HDAC9: variants seen among roughly 807,000 people sequenced by gnomAD.
The protein encoded by HDAC9 is MEF-2 interacting transcription repressor (MITR) protein.
In HDAC9, 41 loss-of-function variants were observed where a neutral mutation model predicts 139.4. That is an observed-to-expected ratio of 0.29 (90% confidence interval 0.23 to 0.38). The LOEUF (loss-of-function observed/expected upper bound fraction) is 0.38. Ranked by LOEUF, HDAC9 falls within the 10% of genes least tolerant of loss-of-function variation. The pLI is 1.00. For synonymous variants in HDAC9, 517 were observed against 476.2 expected, an observed-to-expected ratio of 1.09 and a Z score of -1.12; for missense variants, 1,147 against 1,297.0, an observed-to-expected ratio of 0.88 and a Z score of 1.78.
intron 1 of HDAC9, among the ~76,000 whole-genome samples, chr7:18,324,363 T>A (rs557064753): frequency 6.6e-5 from 10 of 152,286 alleles, no homozygotes; most frequent in Admixed American, 2.0e-4. Context: ...TTACTTCACC[T>A]CTTAGTGTCT....
rs1799243961 is a variant in HDAC9, at chr7:18,310,622, G to T, written c.-42+20107G>T. On this transcript the variant is annotated intron_variant, in intron 1 of 3. Coordinates refer to the HDAC9 transcript ENST00000413509. ...GTGCACAAGTTAACATTTAGAGTTG[G>T]GAATATCCCAACAATCCCTTGTCCA... is the stretch of plus-strand genomic sequence containing the variant. Among the ~76,000 whole-genome samples the T allele has an allele frequency of 3.3e-5, 5 of 152,132 alleles. 1 individual carries two copies. In the South Asian group the frequency reaches 1.0e-3, roughly 32 times the overall value.
Position 18,461,703 on chromosome 7 carries a change from G to A in HDAC9, c.-41-34559G>A, listed in dbSNP as rs921762831. ...TGTCATTGCCTACCTTTATCTCCAG[G>A]GCAGCATCTGATCAGAGATCTCCCT... On this transcript the variant is annotated intron_variant, in intron 1 of 3. Coordinates refer to the HDAC9 transcript ENST00000413509. Among the ~76,000 whole-genome samples the A allele has an allele frequency of 2.6e-5, 4 of 151,888 alleles. No individual in the cohort carries two copies. In the East Asian group the frequency reaches 7.7e-4, roughly 29 times the overall value.
chr7:18,216,847 T>C (rs1009571179), intron 2 of HDAC9, among the ~76,000 whole-genome samples: 7 of 152,266 alleles, frequency 4.6e-5, no homozygotes, highest in African/African-American at 1.2e-4. Context: ...CCATCACTTA[T>C]GATTATACAA....
rs1247747455 is a variant in HDAC9, at chr7:18,999,234, C to T, written c.*3172C>T. 1 of 152,242 alleles carries T rather than the reference C, an allele frequency of 6.6e-6. No homozygotes were observed. The highest frequency in any genetic ancestry group is 1.5e-5 in the Non-Finnish European group (1 of 68,066). The allele number at this position is 152,242 out of a possible 1,614,324, so 9.4% of individuals were successfully genotyped here. On this transcript the variant is annotated 3_prime_UTR_variant, in exon 26 of 26. Transcript: ENST00000686413. ...CTATACGACACTCTCACTAACCTTT[C>T]ACTGACAACATCATGGCCTTGAAAG... is the stretch of plus-strand genomic sequence containing the variant.
chr7:18,870,589 C>T (rs769175840), intron 21 of HDAC9, among the ~76,000 whole-genome samples: 1 of 152,006 alleles, frequency 6.6e-6, no homozygotes, highest in East Asian at 1.9e-4. Flanking sequence ...CTTTTTAGTA[C>T]CTTGGAGAAG....
At position 18,942,117 on chromosome 7, in the gene HDAC9, T is replaced by C. The variant is rs539236389; in HGVS notation, c.2937+6175T>C. Reference sequence around the variant, plus strand: ...TTTATCTGACCATTCATTAGTCTTTTATTGGGCATGTATTTTGTGCCCAAA... The same window carrying C: ...TTTATCTGACCATTCATTAGTCTTTCATTGGGCATGTATTTTGTGCCCAAA... On this transcript the variant is annotated intron_variant, in intron 23 of 25. Coordinates refer to ENST00000686413, the MANE Select transcript of HDAC9 (RefSeq NM_178425.4). 3.9e-5 allele frequency among the ~76,000 whole-genome samples: 6 copies of C among 152,216 alleles called. 1 individual carries two copies. The highest frequency in any genetic ancestry group is 9.6e-5 in the African/African-American group (4 of 41,564).
chr7:18,943,932 A>G (rs1782195921), intron 23 of HDAC9, among the ~76,000 whole-genome samples: 1 of 152,086 alleles, frequency 6.6e-6, no homozygotes, highest in Admixed American at 6.5e-5. Flanking sequence ...TAGTAACTTG[A>G]TTGTCAATAC....
chr7:18,130,202 T>A (rs569089175), intron 1 of HDAC9, among the ~76,000 whole-genome samples: 1 of 152,256 alleles, frequency 6.6e-6, no homozygotes, highest in East Asian at 1.9e-4. Flanking sequence ...GCATCTCCTT[T>A]GAGCATCATG....
intron 2 of HDAC9, among the ~76,000 whole-genome samples, chr7:18,541,156 T>TTA (rs1563204026): frequency 6.7e-6 from 1 of 148,612 alleles, no homozygotes; most frequent in Non-Finnish European, 1.5e-5. Context: ...TTTTTTTTTT[T>TTA]TTTTTTTTTT....
At chr7:18,306,444 C>A (rs978394975) in intron 1 of HDAC9, among the ~76,000 whole-genome samples, 26 of 152,182 alleles carry the variant, frequency 1.7e-4, no homozygotes, top group Admixed American at 1.7e-3. Flanking sequence ...GAGTTTTACC[C>A]ATGCTCCAGA....
chr7:18,172,960 A>G (rs368294188), intron 2 of HDAC9, among the ~76,000 whole-genome samples: 3 of 152,150 alleles, frequency 2.0e-5, no homozygotes, highest in East Asian at 1.9e-4. Context: ...CTAGCTGTCT[A>G]TTAGGTCTGC....
At chr7:18,729,857 G>A (rs568025595) in intron 13 of HDAC9, among the ~76,000 whole-genome samples, 2 of 152,100 alleles carry the variant, frequency 1.3e-5, no homozygotes, top group African/African-American at 4.8e-5. Context: ...GTACTTAATA[G>A]GCATTCAATA....
At chr7:18,866,080 A>C (rs1030664344) in intron 21 of HDAC9, among the ~76,000 whole-genome samples, 4 of 147,962 alleles carry the variant, frequency 2.7e-5, no homozygotes, top group African/African-American at 1.0e-4. Context: ...GTGTCCTCAC[A>C]GTGGCCTACG....
chr7:18,429,142 C>T (rs1021073644), intron 1 of HDAC9: 7 of 152,176 alleles, frequency 4.6e-5, no homozygotes, highest in Non-Finnish European at 8.8e-5. Flanking sequence ...CAATCGATCT[C>T]CCCCATTAGA....
At chr7:18,487,220 A>G (rs1056262802) in intron 1 of HDAC9, among the ~76,000 whole-genome samples, 2 of 152,068 alleles carry the variant, frequency 1.3e-5, no homozygotes, top group African/African-American at 4.8e-5. Flanking sequence ...AATGTGAATA[A>G]AAAGAAAGTC....
At chr7:18,985,218 A>G (rs930073423) in intron 25 of HDAC9, among the ~76,000 whole-genome samples, 3 of 149,292 alleles carry the variant, frequency 2.0e-5, no homozygotes, top group African/African-American at 5.0e-5. Context: ...TGCTATCCCT[A>G]CCCCCCCAAC....
intron 12 of HDAC9, among the ~76,000 whole-genome samples, chr7:18,703,615 G>A (rs6960766): frequency 0.067 from 10,129 of 152,096 alleles, 1,020 homozygotes; most frequent in African/African-American, 0.22. Flanking sequence ...TTATTTAGAC[G>A]TAGTGAACTA....
intron 2 of HDAC9, among the ~76,000 whole-genome samples, chr7:18,270,969 G>A (rs1244126702): frequency 6.6e-6 from 1 of 151,974 alleles, no homozygotes; most frequent in Non-Finnish European, 1.5e-5. Context: ...AATAAATTTA[G>A]CATTAAAATT....
At chr7:18,449,718 A>G (rs1160084675) in intron 1 of HDAC9, among the ~76,000 whole-genome samples, 1 of 152,186 alleles carries the variant, frequency 6.6e-6, no homozygotes, top group African/African-American at 2.4e-5. Flanking sequence ...AGTTATAAAT[A>G]TTACTGAAAA....
Sources: allele counts gnomAD v4.1 joint callset (sites outside exome capture counted in the v4.1 genomes callset), GRCh38; gene constraint gnomAD v4.1.1; transcripts MANE v1.5; gene names NCBI Gene and HGNC (gene_info 2026-07-23, HGNC 2026-07-21).